FAM107B: variants seen among roughly 807,000 people sequenced by gnomAD.
FAM107B encodes the protein protein FAM107B.
FAM107B carries 21 observed loss-of-function variants against 31.5 expected under a neutral mutation model. The ratio of observed to expected loss-of-function variants is 0.67; its 90% CI spans 0.47 to 0.96. The LOEUF is 0.96. Ranked by LOEUF, FAM107B falls within the 40% of genes least tolerant of loss-of-function variation. FAM107B has a pLI of 0.00. For synonymous variants in FAM107B, 157 were observed against 141.5 expected, an observed-to-expected ratio of 1.11 and a Z score of -0.78; for missense variants, 452 against 377.1, an observed-to-expected ratio of 1.20 and a Z score of -1.64.
intron 1 of FAM107B, among the ~76,000 whole-genome samples, chr10:14,683,161 A>C (rs938652737): frequency 6.6e-6 from 1 of 152,184 alleles, no homozygotes; most frequent in Non-Finnish European, 1.5e-5. Context: ...CAGCAATATC[A>C]TGCTGCCTTC....
chr10:14,582,118 T>C (rs1851654953), intron 2 of FAM107B, among the ~76,000 whole-genome samples: 2 of 152,098 alleles, frequency 1.3e-5, no homozygotes, highest in African/African-American at 2.4e-5. Context: ...CCATAGAGAA[T>C]AGCAGCAGCA....
intron 2 of FAM107B, among the ~76,000 whole-genome samples, chr10:14,597,951 A>G (rs1183309361): frequency 6.6e-6 from 1 of 152,156 alleles, no homozygotes; most frequent in African/African-American, 2.4e-5. Context: ...CTCTGTCTCA[A>G]AAAGACAAAA....
intron 2 of FAM107B, among the ~76,000 whole-genome samples, chr10:14,599,854 A>G (rs1282780624): frequency 7.4e-5 from 1 of 13,478 alleles, no homozygotes; most frequent in East Asian, 1.3e-3. Context: ...CTTGATCTAC[A>G]AAAAAAAAAA....
At chr10:14,742,851 T>C (rs1404950026) in intron 1 of FAM107B, among the ~76,000 whole-genome samples, 1 of 152,216 alleles carries the variant, frequency 6.6e-6, no homozygotes, top group Non-Finnish European at 1.5e-5. Flanking sequence ...TTTCCTTCTC[T>C]CCTTTACTTA....
At chr10:14,740,159 G>A (rs749372862) in intron 1 of FAM107B, among the ~76,000 whole-genome samples, 1 of 152,206 alleles carries the variant, frequency 6.6e-6, no homozygotes, top group Non-Finnish European at 1.5e-5. Context: ...ACACGTGAAT[G>A]TTTATAGAAG....
At chr10:14,629,451 T>TAAC (rs1554842098) in intron 2 of FAM107B, among the ~76,000 whole-genome samples, 1 of 81,540 alleles carries the variant, frequency 1.2e-5, no homozygotes, top group East Asian at 3.5e-4. Flanking sequence ...ATATATTATA[T>TAAC]ATATATTATA....
At chr10:14,593,436 G>C (rs1852082724) in intron 2 of FAM107B, among the ~76,000 whole-genome samples, 1 of 152,148 alleles carries the variant, frequency 6.6e-6, no homozygotes, top group African/African-American at 2.4e-5. Context: ...GTGGCACTTT[G>C]GGAGGCTGAG....
intron 3 of FAM107B, among the ~76,000 whole-genome samples, chr10:14,525,355 T>C (rs760499107): frequency 6.6e-6 from 1 of 152,226 alleles, no homozygotes; most frequent in Non-Finnish European, 1.5e-5. Flanking sequence ...CTGTGACTAC[T>C]GAAGCGGGCA....
At chr10:14,751,313 A>G (rs991717109) in intron 1 of FAM107B, among the ~76,000 whole-genome samples, 1 of 152,156 alleles carries the variant, frequency 6.6e-6, no homozygotes, top group Non-Finnish European at 1.5e-5. Flanking sequence ...TTTCTCATAC[A>G]CAGCCCTTGT....
Position 14,559,805 on chromosome 10 carries a change from G to A in FAM107B, c.470-29290C>T, listed in dbSNP as rs189823757. On this transcript the variant is annotated intron_variant, in intron 2 of 4. Coordinates refer to ENST00000181796, the MANE Select transcript of FAM107B (RefSeq NM_031453.4). ...ACCATGGTTTCAATCTCCTGACCTC[G>A]TGATCCGCCCGTCTTGGCCTCCCAA... is the stretch of plus-strand genomic sequence containing the variant. 9.3e-5 allele frequency among the ~76,000 whole-genome samples: 14 copies of A among 150,922 alleles called. No homozygotes were observed. In the East Asian group the frequency reaches 1.2e-3, roughly 13 times the overall value.
chr10:14,709,718 G>A (rs1020107816), intron 1 of FAM107B, among the ~76,000 whole-genome samples: 1 of 152,172 alleles, frequency 6.6e-6, no homozygotes, highest in Non-Finnish European at 1.5e-5. Context: ...GGTACATCCA[G>A]ACAATGGGAT....
At chr10:14,522,376 T>C (rs543018521) in intron 3 of FAM107B, among the ~76,000 whole-genome samples, 56 of 150,320 alleles carry the variant, frequency 3.7e-4, no homozygotes, top group African/African-American at 1.3e-3. Context: ...ATGAGGGGGC[T>C]CTGCATGGAG....
intron 2 of FAM107B, among the ~76,000 whole-genome samples, chr10:14,616,940 AAG>A (rs374039725): frequency 4.6e-5 from 7 of 151,568 alleles, no homozygotes; most frequent in Non-Finnish European, 8.8e-5. Context: ...AATAAAATAA[AAG>A]AGAGAGAGAG....
At chr10:14,583,879 T>C (rs1851738619) in intron 2 of FAM107B, among the ~76,000 whole-genome samples, 1 of 152,020 alleles carries the variant, frequency 6.6e-6, no homozygotes. Context: ...TGGGACACAA[T>C]ACAAAGTACA....
At chr10:14,559,373 G>C (rs1415821774) in intron 2 of FAM107B, among the ~76,000 whole-genome samples, 1 of 152,046 alleles carries the variant, frequency 6.6e-6, no homozygotes, top group African/African-American at 2.4e-5. Flanking sequence ...CTGAGTACCA[G>C]GGACAAGGTG....
chr10:14,581,367 G>A (rs922831730), intron 2 of FAM107B, among the ~76,000 whole-genome samples: 4 of 152,168 alleles, frequency 2.6e-5, no homozygotes, highest in Admixed American at 6.5e-5. Flanking sequence ...AGGGTGCCAC[G>A]AGGGAAGCGG....
intron 2 of FAM107B, among the ~76,000 whole-genome samples, chr10:14,604,581 G>A (rs1325947435): frequency 1.3e-5 from 2 of 151,780 alleles, no homozygotes; most frequent in African/African-American, 2.4e-5. Flanking sequence ...GGCACCAGCC[G>A]GGGCTGCAGC....
chr10:14,629,670 G>T (rs915675470), intron 2 of FAM107B, among the ~76,000 whole-genome samples: 1 of 148,734 alleles, frequency 6.7e-6, no homozygotes, highest in African/African-American at 2.5e-5. Flanking sequence ...CCACCACCAC[G>T]CCCGGCTAAT....
chr10:14,676,092 A>C (rs1392100180), intron 1 of FAM107B, among the ~76,000 whole-genome samples: 1 of 152,190 alleles, frequency 6.6e-6, no homozygotes, highest in African/African-American at 2.4e-5. Flanking sequence ...TGGGGAGGTC[A>C]AGGCTTCAGT....
Sources: allele counts gnomAD v4.1 joint callset (sites outside exome capture counted in the v4.1 genomes callset), GRCh38; gene constraint gnomAD v4.1.1; transcripts MANE v1.5; gene names NCBI Gene and HGNC (gene_info 2026-07-23, HGNC 2026-07-21).